The following BTBD9 variants were observed in gnomAD, a reference collection of about 807,000 sequenced individuals.
The protein encoded by BTBD9 is BTB domain containing 9.
In BTBD9, 49 loss-of-function variants were observed where a neutral mutation model predicts 64.3. The ratio of observed to expected loss-of-function variants is 0.76; its 90% CI spans 0.61 to 0.97. The LOEUF (loss-of-function observed/expected upper bound fraction) is 0.97, where lower values mean the gene tolerates loss of function less well. Among genes scored for constraint, BTBD9 ranks in the 50% least tolerant of loss-of-function variants. BTBD9 has a pLI of 0.00. For missense variants in BTBD9, 598 were observed against 762.1 expected, an observed-to-expected ratio of 0.78 and a Z score of 2.53; for synonymous variants, 260 against 274.7, an observed-to-expected ratio of 0.95 and a Z score of 0.53.
At chr6:38,224,239 T>C (rs1763312419) in intron 9 of BTBD9, among the ~76,000 whole-genome samples, 1 of 152,138 alleles carries the variant, frequency 6.6e-6, no homozygotes, top group Non-Finnish European at 1.5e-5. Flanking sequence ...TTATGAGGTA[T>C]GGACAATTCA....
chr6:38,611,941 AG>A (rs1275454383), intron 1 of BTBD9, among the ~76,000 whole-genome samples: 1 of 152,212 alleles, frequency 6.6e-6, no homozygotes, highest in African/African-American at 2.4e-5. Context: ...CAAAGTCTCT[AG>A]CGATTTAGGT....
intron 6 of BTBD9, among the ~76,000 whole-genome samples, chr6:38,382,488 G>T (rs933267464): frequency 7.0e-6 from 1 of 143,280 alleles, no homozygotes; most frequent in Non-Finnish European, 1.5e-5. Context: ...TTGCACTCCA[G>T]CCTGGACAAC....
In BTBD9 at chr6:38,267,084, A is replaced by C. The variant is rs138560798; in HGVS notation, c.1455-10568T>G. ...TTTGGTTCACCGGCAGGATCAGAAA[A>C]GGATGTGTGAGAGGCAGAAATGCCG... On this transcript the variant is annotated intron_variant, in intron 8 of 10. Transcript: ENST00000481247. Among the ~76,000 whole-genome samples the C allele has an allele frequency of 2.4e-3, 369 of 152,368 alleles. 2 individuals carry two copies. Among genetic ancestry groups the C allele is most frequent in the African/African-American group, 8.3e-3 (344 of 41,592 alleles).
intron 7 of BTBD9, among the ~76,000 whole-genome samples, chr6:38,337,676 TA>T (rs1366296918): frequency 6.6e-6 from 1 of 152,254 alleles, no homozygotes; most frequent in Non-Finnish European, 1.5e-5. Context: ...ACTGTCCGGC[TA>T]CTTTGAATCA....
intron 6 of BTBD9, among the ~76,000 whole-genome samples, chr6:38,513,089 T>A (rs1199031153): frequency 1.3e-5 from 2 of 152,184 alleles, no homozygotes; most frequent in Non-Finnish European, 2.9e-5. Flanking sequence ...TCCATTAGTG[T>A]CCAGGCAATC....
At chr6:38,332,375 A>G (rs1244915423) in intron 7 of BTBD9, among the ~76,000 whole-genome samples, 3 of 152,178 alleles carry the variant, frequency 2.0e-5, no homozygotes, top group Non-Finnish European at 4.4e-5. Context: ...ACTGTTTGCA[A>G]TTGTTAACTG....
At chr6:38,455,097 C>T (rs944998110) in intron 6 of BTBD9, among the ~76,000 whole-genome samples, 1 of 152,116 alleles carries the variant, frequency 6.6e-6, no homozygotes, top group Admixed American at 6.6e-5. Context: ...CTAAAGAGCA[C>T]TGTCCATGAT....
At chr6:38,422,454 A>T (rs981360362) in intron 6 of BTBD9, among the ~76,000 whole-genome samples, 11 of 152,150 alleles carry the variant, frequency 7.2e-5, no homozygotes, top group Non-Finnish European at 1.2e-4. Flanking sequence ...TGATTTTTTA[A>T]AAAAAGTTTA....
intron 8 of BTBD9, among the ~76,000 whole-genome samples, chr6:38,266,433 C>T (rs2003695): frequency 0.056 from 8,431 of 151,812 alleles, 554 homozygotes; most frequent in East Asian, 0.27. Flanking sequence ...ATTAGCCGGG[C>T]GTGGCAGCGT....
Position 38,175,083 on chromosome 6 carries a change from G to C in BTBD9, c.1741C>G (p.Gln581Glu), listed in dbSNP as rs1282723804. Residue 581 changes from glutamine (Q) to glutamate (E), a missense_variant, in exon 11 of 11, where the codon CAG (glutamine) becomes GAG (glutamate). Physicochemically the swap from Gln to Glu is conservative, Grantham distance 29. Coordinates refer to ENST00000481247, the MANE Select transcript of BTBD9 (RefSeq NM_001099272.2). ...SGTGDTSLAG[Q>E]QLDSHALRAP... ...CGCAGCGCATGGGAGTCGAGCTGCTGACCGGCCAGGCTGGTGTCCCCTGTC... is the reference window on the plus strand; with the variant it reads ...CGCAGCGCATGGGAGTCGAGCTGCTCACCGGCCAGGCTGGTGTCCCCTGTC... 1 of 1,614,124 alleles carries C rather than the reference G, an allele frequency of 6.2e-7. No individual in the cohort carries two copies. Among genetic ancestry groups the C allele is most frequent in the East Asian group, 2.2e-5 (1 of 44,896 alleles).
chr6:38,531,738 A>C (rs1283202596), intron 6 of BTBD9, among the ~76,000 whole-genome samples: 4 of 152,198 alleles, frequency 2.6e-5, no homozygotes, highest in Non-Finnish European at 5.9e-5. Flanking sequence ...AGTTTTCTCT[A>C]TGTTTGTGTA....
At chr6:38,229,919 G>A (rs1763537005) in intron 9 of BTBD9, among the ~76,000 whole-genome samples, 1 of 152,106 alleles carries the variant, frequency 6.6e-6, no homozygotes, top group Admixed American at 6.5e-5. Flanking sequence ...GCCTTTCAGG[G>A]CATTGATAAA....
At chr6:38,419,415 A>T (rs935019820) in intron 6 of BTBD9, among the ~76,000 whole-genome samples, 2 of 152,262 alleles carry the variant, frequency 1.3e-5, no homozygotes, top group African/African-American at 4.8e-5. Context: ...GTTACAAAAA[A>T]TAGTGCTATT....
chr6:38,633,779 C>G (rs887023847), intron 1 of BTBD9, among the ~76,000 whole-genome samples: 1 of 151,852 alleles, frequency 6.6e-6, no homozygotes, highest in Non-Finnish European at 1.5e-5. Context: ...TATCAAATTA[C>G]AAATTTGATT....
chr6:38,480,992 A>G (rs922418639), intron 6 of BTBD9, among the ~76,000 whole-genome samples: 5 of 152,238 alleles, frequency 3.3e-5, no homozygotes, highest in African/African-American at 1.2e-4. Context: ...AATGCTCTTT[A>G]AACAAAGAGC....
intron 6 of BTBD9, among the ~76,000 whole-genome samples, chr6:38,518,562 G>A (rs1773142673): frequency 6.6e-6 from 1 of 152,180 alleles, no homozygotes; most frequent in East Asian, 1.9e-4. Flanking sequence ...GATCCAGTTT[G>A]AGCACAAAGC....
chr6:38,368,181 C>T (rs1279660984), intron 6 of BTBD9, among the ~76,000 whole-genome samples: 2 of 152,194 alleles, frequency 1.3e-5, no homozygotes, highest in Non-Finnish European at 2.9e-5. Context: ...TTTAATACCA[C>T]AGATATACTG....
intron 7 of BTBD9, among the ~76,000 whole-genome samples, chr6:38,327,123 A>G (rs1017064818): frequency 6.6e-6 from 1 of 152,170 alleles, no homozygotes; most frequent in African/African-American, 2.4e-5. Context: ...TACCACAGGT[A>G]ATGTTGTGAT....
intron 7 of BTBD9, among the ~76,000 whole-genome samples, chr6:38,290,838 G>A (rs912451268): frequency 7.2e-5 from 11 of 152,188 alleles, no homozygotes; most frequent in African/African-American, 2.4e-4. Context: ...GGGGTATTTG[G>A]TGAACAACAT....
Sources: gnomAD v4.1 joint callset for allele counts (sites outside exome capture counted in the v4.1 genomes callset) on GRCh38, gnomAD v4.1.1 for gene constraint, MANE v1.5 for transcripts, NCBI Gene and HGNC (gene_info 2026-07-23, HGNC 2026-07-21) for gene names.